The following SLC26A7 variants were observed in gnomAD, a reference collection of about 807,000 sequenced individuals.
The protein encoded by SLC26A7 is solute carrier family 26 member 7.
SLC26A7 carries 59 observed loss-of-function variants against 82.5 expected under a neutral mutation model. The ratio of observed to expected loss-of-function variants is 0.72; its 90% CI spans 0.58 to 0.89. The LOEUF is 0.89. Among genes scored for constraint, SLC26A7 ranks in the 40% least tolerant of loss-of-function variants. The probability of loss-of-function intolerance (pLI) is 0.00; values close to 1 mark genes in which losing one functional copy is unlikely to be tolerated. For synonymous variants in SLC26A7, 271 were observed against 274.3 expected (o/e 0.99, Z 0.12); for missense variants, 820 against 793.0 (o/e 1.03, Z -0.41).
At chr8:91,234,652 T>C (rs1810361653) in intron 2 of SLC26A7, among the ~76,000 whole-genome samples, 1 of 152,198 alleles carries the variant, frequency 6.6e-6, no homozygotes, top group South Asian at 2.1e-4. Context: ...CAAGCCCAAA[T>C]GAAAACCCTA....
chr8:91,360,257 A>G (rs144155872), intron 11 of SLC26A7, among the ~76,000 whole-genome samples: 2,000 of 152,328 alleles, frequency 0.013, 17 homozygotes, highest in Non-Finnish European at 0.019. Context: ...TGTATTTTCT[A>G]CAAGGACAAA....
In SLC26A7 at chr8:91,272,471, G is replaced by A. The variant is rs189064226; in HGVS notation, c.194-16665G>A. The stretch of plus-strand genomic sequence containing the variant: ...ATAGCATGAACTAACATCATTAAAA[G>A]CACGATCAACTCTTCCTGGAATGGG... On this transcript the variant is annotated intron_variant, in intron 2 of 18. Coordinates refer to ENST00000276609, the MANE Select transcript of SLC26A7 (RefSeq NM_052832.4). Among the ~76,000 whole-genome samples the A allele has an allele frequency of 1.2e-4, 18 of 152,222 alleles. 1 individual carries two copies. The East Asian group carries it at 3.5e-3, about 29-fold the overall frequency.
intron 2 of SLC26A7, among the ~76,000 whole-genome samples, chr8:91,287,324 C>G (rs549248370): frequency 6.6e-6 from 1 of 152,268 alleles, no homozygotes; most frequent in African/African-American, 2.4e-5. Flanking sequence ...GGGATAAACA[C>G]AGAGAGAGAT....
chr8:91,268,995 AT>A (rs1374740156), intron 2 of SLC26A7, among the ~76,000 whole-genome samples: 2 of 151,558 alleles, frequency 1.3e-5, no homozygotes, highest in Non-Finnish European at 3.0e-5. Context: ...AATTCCTCCC[AT>A]TTTGACTTTT....
intron 2 of SLC26A7, among the ~76,000 whole-genome samples, chr8:91,265,632 C>G (rs1811090299): frequency 6.6e-6 from 1 of 151,840 alleles, no homozygotes; most frequent in Non-Finnish European, 1.5e-5. Context: ...TTTACATTTC[C>G]CTGAAAATCA....
At chr8:91,256,532 T>G (rs1403850736) in intron 2 of SLC26A7, among the ~76,000 whole-genome samples, 1 of 152,124 alleles carries the variant, frequency 6.6e-6, no homozygotes, top group Non-Finnish European at 1.5e-5. Flanking sequence ...ACTTCCTTCA[T>G]GCTGAAATGA....
At chr8:91,225,643 G>GTTTTTTTTTT (rs55732709) in intron 2 of SLC26A7, among the ~76,000 whole-genome samples, 5 of 36,130 alleles carry the variant, frequency 1.4e-4, no homozygotes, top group African/African-American at 3.7e-4. Flanking sequence ...CTAGAAAAGT[G>GTTTTTTTTTT]TTTTTTTTTT....
Position 91,347,339 on chromosome 8 carries a change from A to G in SLC26A7, c.1140+3873A>G, listed in dbSNP as rs142995440. ...TGAACAGAAACATAATATGAGCTAC[A>G]CAGATAATTTAAATTTTCCAGTAGC... On this transcript the variant is annotated intron_variant, in intron 9 of 18. Coordinates refer to ENST00000276609, the MANE Select transcript of SLC26A7 (RefSeq NM_052832.4). Among the ~76,000 whole-genome samples the G allele has an allele frequency of 3.3e-4, 51 of 152,324 alleles. No individual in the cohort carries two copies. In the East Asian group the frequency reaches 6.9e-3, roughly 21 times the overall value.
chr8:91,288,446 C>A (rs1811769031), intron 2 of SLC26A7, among the ~76,000 whole-genome samples: 1 of 152,120 alleles, frequency 6.6e-6, no homozygotes, highest in African/African-American at 2.4e-5. Flanking sequence ...ATGTATCATA[C>A]CAACTATGTA....
At chr8:91,302,375 A>G (rs1475017050) in intron 4 of SLC26A7, among the ~76,000 whole-genome samples, 1 of 152,076 alleles carries the variant, frequency 6.6e-6, no homozygotes, top group Non-Finnish European at 1.5e-5. Flanking sequence ...TTGTGTCATA[A>G]ACATAAGACC....
At position 91,295,917 on chromosome 8, in the gene SLC26A7, A is replaced by G. The variant is rs999570915; in HGVS notation, c.477+214A>G. Among the ~76,000 whole-genome samples the G allele has an allele frequency of 2.0e-4, 31 of 152,336 alleles. 2 individuals are homozygous for G. Among genetic ancestry groups the G allele is most frequent in the Admixed American group, 1.8e-3 (28 of 15,304 alleles). The stretch of plus-strand genomic sequence containing the variant: ...GAATCAATAAATTGAAGTTACACAG[A>G]AACAGTTTTTGGTCTTTTAAGAATG... On this transcript the variant is annotated intron_variant, in intron 4 of 18. Transcript: ENST00000276609.
At chr8:91,383,590 T>C (rs1586476497) in intron 15 of SLC26A7, among the ~76,000 whole-genome samples, 1 of 152,232 alleles carries the variant, frequency 6.6e-6, no homozygotes, top group East Asian at 1.9e-4. Flanking sequence ...ACATCAATTA[T>C]GAAGTGGAAA....
intron 4 of SLC26A7, among the ~76,000 whole-genome samples, chr8:91,312,965 T>A (rs1812531320): frequency 6.6e-6 from 1 of 152,122 alleles, no homozygotes; most frequent in East Asian, 1.9e-4. Context: ...GTTGATAGAG[T>A]CTTTAGATGC....
At chr8:91,350,208 G>A (rs113424987) in intron 9 of SLC26A7, among the ~76,000 whole-genome samples, 6 of 152,046 alleles carry the variant, frequency 3.9e-5, no homozygotes, top group African/African-American at 1.4e-4. Context: ...TGCTTGCTTA[G>A]CAGAATAATT....
intron 6 of SLC26A7, among the ~76,000 whole-genome samples, chr8:91,336,827 A>T (rs1813257680): frequency 6.6e-6 from 1 of 152,076 alleles, no homozygotes; most frequent in Non-Finnish European, 1.5e-5. Context: ...AATACCCTGC[A>T]TACTTCCATT....
At chr8:91,274,929 C>T (rs781411050) in intron 2 of SLC26A7, among the ~76,000 whole-genome samples, 9 of 152,158 alleles carry the variant, frequency 5.9e-5, no homozygotes, top group Non-Finnish European at 1.3e-4. Flanking sequence ...AGTCTCTTAC[C>T]TCAAATTTGC....
intron 15 of SLC26A7, among the ~76,000 whole-genome samples, chr8:91,380,721 G>A (rs1450901476): frequency 2.6e-5 from 4 of 152,034 alleles, no homozygotes; most frequent in Admixed American, 2.0e-4. Flanking sequence ...CTTGGAAAAC[G>A]GTTTGGCAAT....
intron 3 of SLC26A7, among the ~76,000 whole-genome samples, chr8:91,291,214 G>A (rs948424030): frequency 2.0e-5 from 3 of 152,006 alleles, no homozygotes; most frequent in East Asian, 3.9e-4. Flanking sequence ...TACATTGCAC[G>A]TGAAAAGAAA....
At chr8:91,269,704 A>G (rs181520448) in intron 2 of SLC26A7, among the ~76,000 whole-genome samples, 3 of 152,234 alleles carry the variant, frequency 2.0e-5, no homozygotes, top group Non-Finnish European at 4.4e-5. Context: ...AATTTCTTAA[A>G]TATGCCTTCC....
Sources: gnomAD v4.1 joint callset for allele counts (sites outside exome capture counted in the v4.1 genomes callset) on GRCh38, gnomAD v4.1.1 for gene constraint, MANE v1.5 for transcripts, NCBI Gene and HGNC (gene_info 2026-07-23, HGNC 2026-07-21) for gene names.